The following LRBA variants were observed in gnomAD, a reference collection of about 807,000 sequenced individuals.
LRBA encodes lipopolysaccharide-responsive and beige-like anchor protein.
A neutral mutation model predicts 330.0 loss-of-function variants in LRBA; 176 were observed. That is an observed-to-expected ratio of 0.53 (90% CI 0.47 to 0.60). The LOEUF (loss-of-function observed/expected upper bound fraction) is 0.60. LRBA is among the 20% of genes least tolerant of loss of function. The probability of loss-of-function intolerance (pLI) is 0.00; values close to 1 mark genes in which losing one functional copy is unlikely to be tolerated. For synonymous variants in LRBA, 1,230 were observed against 1,193.0 expected, an observed-to-expected ratio of 1.03 and a Z score of -0.64; for missense variants, 3,259 against 3,444.8, an observed-to-expected ratio of 0.95 and a Z score of 1.35.
At position 150,867,813 on chromosome 4, in the gene LRBA, T is replaced by C. The variant is rs1177047382; in HGVS notation, c.2624A>G (p.Tyr875Cys). ...VWQEWMLSLC[Y>C]FNPKNSDEQK... Reference sequence around the variant, plus strand: ...CTCATCTGAATTCTTAGGATTAAAATAGCAGAGAGAAAGCATCCATTCTTG... The same window carrying C: ...CTCATCTGAATTCTTAGGATTAAAACAGCAGAGAGAAAGCATCCATTCTTG... The change falls in exon 22 of 57, where the codon TAT becomes TGT. Residue 875 changes from tyrosine to cysteine, a missense_variant. By Grantham distance (194) the Tyr-to-Cys change is radical. Coordinates refer to ENST00000651943, the MANE Select transcript of LRBA (RefSeq NM_001364905.1). 1 of 1,613,612 alleles carries C rather than the reference T, an allele frequency of 6.2e-7. No homozygotes were observed. The highest frequency in any genetic ancestry group is 1.3e-5 in the African/African-American group (1 of 74,984).
chr4:150,677,496 A>G (rs1219806625), intron 37 of LRBA, among the ~76,000 whole-genome samples: 3 of 152,218 alleles, frequency 2.0e-5, no homozygotes, highest in African/African-American at 4.8e-5. Flanking sequence ...CTTGGATGCC[A>G]TAAGTTTATT....
Position 150,985,852 on chromosome 4 carries a change from A to G in LRBA, c.216+28575T>C, listed in dbSNP as rs1394650524. ...TATATCATGTTGTTAGGAGGAAAAA[A>G]TAAAATACCTAAGAATGATAGTTAA... On this transcript the variant is annotated intron_variant, in intron 2 of 56. Transcript: ENST00000651943. 2.0e-5 allele frequency among the ~76,000 whole-genome samples: 3 copies of G among 152,280 alleles called. No individual in the cohort carries two copies. In the East Asian group the frequency reaches 5.8e-4, roughly 29 times the overall value.
At chr4:150,915,465 A>T in intron 8 of LRBA, 143 bp downstream of exon 8, 1 of 671,226 alleles carries the variant, frequency 1.5e-6, no homozygotes, top group Non-Finnish European at 2.4e-6. Context: ...AAGTTCTATT[A>T]ACATGCTAGC....
intron 31 of LRBA, among the ~76,000 whole-genome samples, chr4:150,815,635 G>GA (rs1034663162): frequency 6.6e-6 from 1 of 151,290 alleles, no homozygotes. Context: ...TTTCAAACTA[G>GA]AAAAAAAATT....
chr4:150,449,998 T>C (rs1298819432), intron 44 of LRBA, among the ~76,000 whole-genome samples: 1 of 152,110 alleles, frequency 6.6e-6, no homozygotes, highest in African/African-American at 2.4e-5. Context: ...AATGCACAGA[T>C]TGTCAGACTG....
In LRBA at chr4:150,683,851, G is replaced by A. The variant is rs1231919614; in HGVS notation, c.5755-134C>T. On this transcript the variant is annotated intron_variant, in intron 36 of 56. Transcript: ENST00000651943. ...TTTTACATTCCTCATTCACCTAACT[G>A]AGATTTAGTGATCTGCTGTCTCAAT... 2.0e-5 allele frequency: 12 copies of A among 615,130 alleles called. 1 individual carries two copies. The highest frequency in any genetic ancestry group is 2.8e-5 in the Non-Finnish European group (10 of 360,402). 38.1% of individuals were successfully genotyped at this position (615,130 alleles called of 1,614,324 possible). A position where few individuals can be genotyped will look rare whatever the true frequency, so the allele number is the denominator to read the frequency against.
rs563518631 is a variant in LRBA, at chr4:150,643,071, A to C, written c.5921+40480T>G. Among the ~76,000 whole-genome samples the C allele has an allele frequency of 2.8e-4, 42 of 152,016 alleles. 1 individual carries two copies. The South Asian group carries it at 7.0e-3, about 25-fold the overall frequency. ...TGAAGGGAAATTTAAAGTTCCCCCT[A>C]TTTTATCCATTTCAACCAACATAAA... On this transcript the variant is annotated intron_variant, in intron 37 of 56. Coordinates refer to ENST00000651943, the MANE Select transcript of LRBA (RefSeq NM_001364905.1).
intron 36 of LRBA, among the ~76,000 whole-genome samples, chr4:150,704,676 A>G (rs1279728140): frequency 6.6e-6 from 1 of 152,186 alleles, no homozygotes; most frequent in African/African-American, 2.4e-5. Context: ...AAATTACAAA[A>G]TAAGTTGAAG....
chr4:150,389,234 GTAGTCCCAGCTC>G lies in LRBA; in HGVS notation c.7194+26192_7194+26203del, dbSNP rs550393116. ...TAGCCAGGTGTGGTGACACGTGCCT[GTAGTCCCAGCTC>G]AGGAGGCTGAGGTGGGAGGATTGCT... On this transcript the variant is annotated intron_variant, in intron 47 of 56. Coordinates refer to ENST00000651943, the MANE Select transcript of LRBA (RefSeq NM_001364905.1). Among the ~76,000 whole-genome samples, 52 of 152,218 alleles carry G rather than the reference GTAGTCCCAGCTC, an allele frequency of 3.4e-4. No homozygotes were observed. The Middle Eastern group carries it at 0.014, about 40-fold the overall frequency.
intron 34 of LRBA, among the ~76,000 whole-genome samples, chr4:150,797,633 C>T (rs1330720413): frequency 6.6e-6 from 1 of 151,740 alleles, no homozygotes; most frequent in African/African-American, 2.4e-5. Flanking sequence ...TAATGTTTTC[C>T]CAAATCTACT....
At chr4:150,380,463 C>T (rs923757116) in intron 47 of LRBA, among the ~76,000 whole-genome samples, 1 of 151,950 alleles carries the variant, frequency 6.6e-6, no homozygotes, top group African/African-American at 2.4e-5. Flanking sequence ...TATTCCAGGG[C>T]TTATTCCAGA....
chr4:150,411,342 A>G (rs533318021), intron 47 of LRBA, among the ~76,000 whole-genome samples: 1 of 152,194 alleles, frequency 6.6e-6, no homozygotes, highest in Non-Finnish European at 1.5e-5. Context: ...ACAAACAGGG[A>G]ATGTAGCATT....
At chr4:150,677,501 T>C (rs538731261) in intron 37 of LRBA, among the ~76,000 whole-genome samples, 15 of 152,242 alleles carry the variant, frequency 9.9e-5, no homozygotes, top group Non-Finnish European at 2.1e-4. Context: ...ATGCCATAAG[T>C]TTATTTTATT....
intron 53 of LRBA, among the ~76,000 whole-genome samples, chr4:150,295,175 A>C (rs373287523): frequency 2.0e-4 from 29 of 147,222 alleles, no homozygotes; most frequent in East Asian, 1.0e-3. Flanking sequence ...AATTTGGTGC[A>C]TTCCCCAAAT....
At chr4:150,665,510 T>C (rs940867374) in intron 37 of LRBA, among the ~76,000 whole-genome samples, 5 of 152,096 alleles carry the variant, frequency 3.3e-5, no homozygotes, top group African/African-American at 1.2e-4. Context: ...ACAATCACGA[T>C]ACAGAACAGC....
intron 17 of LRBA, among the ~76,000 whole-genome samples, chr4:150,876,437 G>C (rs1444934849): frequency 7.6e-6 from 1 of 131,420 alleles, no homozygotes; most frequent in Non-Finnish European, 1.6e-5. Flanking sequence ...CAATATTAAA[G>C]AAAAAATCTT....
At chr4:150,435,516 G>A (rs1429648733) in intron 46 of LRBA, 73 bp downstream of exon 46, 2 of 1,442,952 alleles carry the variant, frequency 1.4e-6, no homozygotes, top group African/African-American at 2.9e-5. Flanking sequence ...TATGGCAGTA[G>A]AGAAAATTTT....
intron 40 of LRBA, among the ~76,000 whole-genome samples, chr4:150,552,390 G>A (rs1409990808): frequency 6.6e-6 from 1 of 152,054 alleles, no homozygotes; most frequent in Non-Finnish European, 1.5e-5. Context: ...AAAGACACAT[G>A]AAAAAATGCT....
At chr4:150,280,481 G>A (rs1439214498) in intron 55 of LRBA, among the ~76,000 whole-genome samples, 7 of 152,228 alleles carry the variant, frequency 4.6e-5, no homozygotes, top group Non-Finnish European at 1.0e-4. Context: ...TTGCTGCTCT[G>A]TACAGGCTGC....
Sources: gnomAD v4.1 joint callset for allele counts (sites outside exome capture counted in the v4.1 genomes callset) on GRCh38, gnomAD v4.1.1 for gene constraint, MANE v1.5 for transcripts, NCBI Gene and HGNC (gene_info 2026-07-23, HGNC 2026-07-21) for gene names.